Variants in ZNF544 observed in about 807,000 individuals in gnomAD.
The protein encoded by ZNF544 is zinc finger protein AF020591.
In ZNF544, 10 loss-of-function variants were observed where a neutral mutation model predicts 13.5. That is an observed-to-expected ratio of 0.74 (90% CI 0.46 to 1.25). The LOEUF (loss-of-function observed/expected upper bound fraction) is 1.25, where lower values mean the gene tolerates loss of function less well. Among genes scored for constraint, ZNF544 ranks in the 50% most tolerant of loss-of-function variants. The pLI, the probability that ZNF544 is intolerant of heterozygous loss-of-function variation, is 0.00. For missense variants in ZNF544, 896 were observed against 845.6 expected, an observed-to-expected ratio of 1.06 and a Z score of -0.74; for synonymous variants, 323 against 300.5, an observed-to-expected ratio of 1.07 and a Z score of -0.77.
chr19:58,234,802 C>T (rs1032850511), intron 3 of ZNF544, among the ~76,000 whole-genome samples: 10 of 152,222 alleles, frequency 6.6e-5, no homozygotes, highest in Admixed American at 3.9e-4. Flanking sequence ...TATTAATAAA[C>T]TACAGTCCAT....
At chr19:58,246,835 A>G in intron 6 of ZNF544, 41 bp downstream of exon 6, 1 of 1,595,186 alleles carries the variant, frequency 6.3e-7, no homozygotes, top group South Asian at 1.1e-5. Context: ...ACGTTTAACA[A>G]GCTTGGACAG....
Position 58,261,191 on chromosome 19 carries a change from AC to A in ZNF544, c.586del (p.Gln196LysfsTer33). ...CCAACTCACAAGTTAAAGAGTTGAA[AC>A]AAAATTCAGCTTTCATTAATCATGA... ...KPNSQVKELK[Q>X]NSAFINHEKN... On this transcript the variant is annotated frameshift_variant, in exon 7 of 7. Coordinates refer to ENST00000687789, the MANE Select transcript of ZNF544 (RefSeq NM_014480.4). LOFTEE classifies it low-confidence loss of function (END_TRUNC). 1 of 1,614,170 alleles carries A rather than the reference AC, an allele frequency of 6.2e-7. No homozygotes were observed. Among genetic ancestry groups the A allele is most frequent in the Non-Finnish European group, 8.5e-7 (1 of 1,180,040 alleles).
downstream of ZNF544, among the ~76,000 whole-genome samples, chr19:58,264,627 G>A (rs1213584833): frequency 6.6e-6 from 1 of 152,124 alleles, no homozygotes; most frequent in African/African-American, 2.4e-5. Context: ...GGAGGCAGAG[G>A]TTGCAGTTAG....
downstream of ZNF544, among the ~76,000 whole-genome samples, chr19:58,268,074 C>T (rs552373282): frequency 3.9e-4 from 59 of 152,064 alleles, 1 homozygote; most frequent in East Asian, 5.4e-3. Flanking sequence ...CCGAGGCGGG[C>T]GGATCACCTG....
At chr19:58,241,599 C>T (rs1479821950) in intron 3 of ZNF544, among the ~76,000 whole-genome samples, 1 of 151,732 alleles carries the variant, frequency 6.6e-6, no homozygotes, top group Non-Finnish European at 1.5e-5. Context: ...TGGGTTCACG[C>T]TATTTTCCTG....
At chr19:58,248,890 T>G (rs2045845641) in intron 6 of ZNF544, among the ~76,000 whole-genome samples, 1 of 152,202 alleles carries the variant, frequency 6.6e-6, no homozygotes, top group African/African-American at 2.4e-5. Context: ...GGTTTCCCAT[T>G]GGTTACTTGG....
chr19:58,257,971 T>C (rs2047912708), intron 6 of ZNF544: 1 of 152,280 alleles, frequency 6.6e-6, no homozygotes, highest in Admixed American at 6.6e-5. Context: ...CTGTTATTTC[T>C]TCCTCTGAAG....
At chr19:58,252,066 G>A (rs978925025) in intron 6 of ZNF544, among the ~76,000 whole-genome samples, 1 of 152,148 alleles carries the variant, frequency 6.6e-6, no homozygotes, top group African/African-American at 2.4e-5. Context: ...GCCAATAAAG[G>A]TGTCTGTTAG....
chr19:58,236,268 G>C (rs2042358350), intron 3 of ZNF544, among the ~76,000 whole-genome samples: 1 of 151,750 alleles, frequency 6.6e-6, no homozygotes, highest in Admixed American at 6.6e-5. Flanking sequence ...GGGAGGCCGA[G>C]GCGGGCAGAT....
chr19:58,229,021 C>T (rs936597013), intron 1 of ZNF544, 75 bp downstream of exon 1: 1 of 152,592 alleles, frequency 6.6e-6, no homozygotes, highest in African/African-American at 2.4e-5. Flanking sequence ...AGGACCAGGC[C>T]AGAGCCGCCC....
At chr19:58,244,871 G>T (rs1034439142) in intron 4 of ZNF544, among the ~76,000 whole-genome samples, 13 of 150,952 alleles carry the variant, frequency 8.6e-5, no homozygotes, top group African/African-American at 2.9e-4. Flanking sequence ...GCCACCATGC[G>T]CAGCCTCTTC....
chr19:58,261,540 T>C lies in ZNF544; in HGVS notation c.934T>C (p.Cys312Arg). Residue 312 changes from cysteine to arginine, a missense_variant, in exon 7 of 7, where the codon TGC becomes CGC. Transcript: ENST00000687789. ...CAGGGAAACCTGTTCTGAGAGTCTG[T>C]GCCTTGTACAAACAGAAAGAAGTGG... ...ECRETCSESL[C>R]LVQTERSGPG... 3 of 1,614,216 alleles carry C rather than the reference T, an allele frequency of 1.9e-6. No homozygotes were observed. Among genetic ancestry groups the C allele is most frequent in the Non-Finnish European group, 2.5e-6 (3 of 1,180,040 alleles).
At chr19:58,241,684 A>C (rs1469014498) in intron 3 of ZNF544, among the ~76,000 whole-genome samples, 1 of 151,834 alleles carries the variant, frequency 6.6e-6, no homozygotes, top group Non-Finnish European at 1.5e-5. Context: ...TTTTTAGTAG[A>C]GACAGGGTTT....
intron 6 of ZNF544, 149 bp from the exon 7 acceptor site, chr19:58,260,702 C>A (rs754773415): frequency 2.8e-6 from 2 of 703,920 alleles, no homozygotes; most frequent in Non-Finnish European, 4.5e-6. Flanking sequence ...TGATCCATCC[C>A]TCCCTTTCAC....
intron 3 of ZNF544, among the ~76,000 whole-genome samples, chr19:58,236,436 G>T (rs988065493): frequency 3.3e-5 from 5 of 151,050 alleles, no homozygotes; most frequent in Non-Finnish European, 7.4e-5. Flanking sequence ...GGCGGAGGTT[G>T]CAGTGAGCCG....
intron 6 of ZNF544, among the ~76,000 whole-genome samples, chr19:58,249,066 C>A (rs960846940): frequency 6.6e-6 from 1 of 152,168 alleles, no homozygotes; most frequent in Non-Finnish European, 1.5e-5. Flanking sequence ...TTCCATTTTT[C>A]ATCTGCGACA....
intron 3 of ZNF544, among the ~76,000 whole-genome samples, chr19:58,237,079 TC>T (rs1298991379): frequency 2.1e-4 from 31 of 149,016 alleles, no homozygotes; most frequent in Non-Finnish European, 4.3e-4. Context: ...TTTTTTTTTT[TC>T]CCCACATAGG....
downstream of ZNF544, among the ~76,000 whole-genome samples, chr19:58,268,287 G>A (rs2050190124): frequency 6.6e-6 from 1 of 152,054 alleles, no homozygotes; most frequent in Non-Finnish European, 1.5e-5. Context: ...GGCAACAAGA[G>A]TGAAACTCCG....
downstream of ZNF544, among the ~76,000 whole-genome samples, chr19:58,268,198 CT>C (rs538626526): frequency 6.0e-4 from 92 of 152,140 alleles, no homozygotes; most frequent in South Asian, 7.7e-3. Context: ...ACTCAGGAGT[CT>C]GAGGCAGGAG....
Sources: allele counts gnomAD v4.1 joint callset (sites outside exome capture counted in the v4.1 genomes callset), GRCh38; gene constraint gnomAD v4.1.1; transcripts MANE v1.5; gene names NCBI Gene and HGNC (gene_info 2026-07-23, HGNC 2026-07-21).